Variants in ATP10B observed in about 807,000 individuals in gnomAD.
ATP10B encodes the protein ATPase phospholipid transporting 10B (putative).
Under a neutral mutation model 141.2 loss-of-function variants are expected in ATP10B, and 122 were observed. That is an observed-to-expected ratio of 0.86 (90% CI 0.75 to 1.00). ATP10B has a LOEUF of 1.00. ATP10B is among the 50% of genes least tolerant of loss of function. The pLI is 0.00. For synonymous variants in ATP10B, 685 were observed against 692.0 expected (o/e 0.99, Z 0.16); for missense variants, 1,876 against 1,825.3 (o/e 1.03, Z -0.51).
chr5:160,599,440 G>C (rs761437415), intron 21 of ATP10B, among the ~76,000 whole-genome samples: 4 of 152,172 alleles, frequency 2.6e-5, no homozygotes, highest in Admixed American at 2.0e-4. Context: ...TCACTTACTA[G>C]CTGTGTGACC....
chr5:160,895,261 A>G, the ATP10B span, among the ~76,000 whole-genome samples: 59 of 152,288 alleles, frequency 3.9e-4, no homozygotes, highest in Middle Eastern at 6.8e-3. Context: ...AGACTGACAA[A>G]TTGGATAAAG....
In ATP10B at chr5:160,714,767, T is replaced by C. The variant is rs181121014; in HGVS notation, c.-205+2142A>G. Among the ~76,000 whole-genome samples the C allele has an allele frequency of 4.5e-3, 610 of 134,122 alleles. 7 individuals carry two copies. The highest frequency in any genetic ancestry group is 0.016 in the African/African-American group (557 of 34,368). The allele number at this position is 134,122 out of a possible 152,430, so 88.0% of individuals were successfully genotyped here. On this transcript the variant is annotated intron_variant, in intron 3 of 25. Transcript: ENST00000327245. ...GGTTTTATCTACTTTTGGTCTTTGA[T>C]GATGGTGATGTACAGATGGGTTTTC...
the ATP10B span, among the ~76,000 whole-genome samples, chr5:160,864,466 C>G: frequency 6.6e-6 from 1 of 151,996 alleles, no homozygotes; most frequent in African/African-American, 2.4e-5. Context: ...AAACCCACAG[C>G]CAGCATCATA....
rs550749851 is a variant in ATP10B at position 160,702,862 on chromosome 5, C to A, written c.-204-13919G>T. Among the ~76,000 whole-genome samples, 4 of 152,312 alleles carry A rather than the reference C, an allele frequency of 2.6e-5. No individual in the cohort carries two copies. The East Asian group carries it at 7.7e-4, about 29-fold the overall frequency. On this transcript the variant is annotated intron_variant, in intron 3 of 25. Transcript: ENST00000327245. Reference sequence around the variant, plus strand: ...GGTACACTTCTAAGAATACAATTCACCTGCTTTCAATATTATTTATCTTTT... The same window carrying A: ...GGTACACTTCTAAGAATACAATTCAACTGCTTTCAATATTATTTATCTTTT...
chr5:160,680,666 A>T (rs969708569), intron 6 of ATP10B, among the ~76,000 whole-genome samples: 3 of 152,208 alleles, frequency 2.0e-5, no homozygotes, highest in South Asian at 2.1e-4. Flanking sequence ...TCTTATTTTT[A>T]AAAAAACTTT....
intron 1 of ATP10B, among the ~76,000 whole-genome samples, chr5:160,820,244 G>A (rs1257604374): frequency 6.6e-6 from 1 of 151,724 alleles, no homozygotes; most frequent in Non-Finnish European, 1.5e-5. Context: ...GGTACTAAGA[G>A]CAACTATATA....
intron 24 of ATP10B, among the ~76,000 whole-genome samples, chr5:160,585,097 T>C (rs1755802373): frequency 6.6e-6 from 1 of 152,216 alleles, no homozygotes; most frequent in African/African-American, 2.4e-5. Flanking sequence ...TCCATCATTC[T>C]TTTTTCCTCC....
intron 1 of ATP10B, among the ~76,000 whole-genome samples, chr5:160,840,685 T>G (rs1261617931): frequency 6.6e-6 from 1 of 152,106 alleles, no homozygotes; most frequent in Non-Finnish European, 1.5e-5. Flanking sequence ...GATAAAAGAT[T>G]GATAAACTGA....
At chr5:160,895,751 C>T in the ATP10B span, among the ~76,000 whole-genome samples, 71,679 of 151,982 alleles carry the variant, frequency 0.47, 18,034 homozygotes, top group Non-Finnish European at 0.55. Flanking sequence ...ATACATTCTT[C>T]TCAGCACCAC....
At chr5:160,707,878 G>A (rs533455625) in intron 3 of ATP10B, among the ~76,000 whole-genome samples, 2 of 152,158 alleles carry the variant, frequency 1.3e-5, no homozygotes, top group Admixed American at 6.5e-5. Context: ...GCAGCACATC[G>A]ATAAATCAAT....
intron 2 of ATP10B, among the ~76,000 whole-genome samples, chr5:160,765,693 A>G (rs977195921): frequency 1.3e-5 from 2 of 152,182 alleles, no homozygotes; most frequent in African/African-American, 4.8e-5. Flanking sequence ...TAAATGCAAG[A>G]AAAACAAAGA....
chr5:160,685,513 T>G (rs770928976), intron 6 of ATP10B: 22 of 267,092 alleles, frequency 8.2e-5, no homozygotes, highest in Non-Finnish European at 1.5e-4. Flanking sequence ...CAACTCTGGG[T>G]CCTAAAACCT....
At chr5:160,726,235 A>T (rs556855047) in intron 2 of ATP10B, among the ~76,000 whole-genome samples, 25 of 152,284 alleles carry the variant, frequency 1.6e-4, no homozygotes, top group African/African-American at 5.8e-4. Flanking sequence ...CACACCAGGG[A>T]TAAGTGCGGG....
chr5:160,599,620 G>GT (rs1313312662), intron 21 of ATP10B, among the ~76,000 whole-genome samples: 5 of 152,334 alleles, frequency 3.3e-5, no homozygotes, highest in African/African-American at 4.8e-5. Context: ...AGGACACCTG[G>GT]TAGGACGGTG....
At chr5:160,818,376 G>A (rs1773845239) in intron 1 of ATP10B, among the ~76,000 whole-genome samples, 1 of 152,208 alleles carries the variant, frequency 6.6e-6, no homozygotes, top group Admixed American at 6.5e-5. Flanking sequence ...AGACATTGAT[G>A]CAGCCAAAAG....
chr5:160,830,462 C>T (rs1774981554), intron 1 of ATP10B, among the ~76,000 whole-genome samples: 1 of 152,036 alleles, frequency 6.6e-6, no homozygotes, highest in Non-Finnish European at 1.5e-5. Context: ...GTAATAGTGA[C>T]ACCAGATCAA....
At chr5:160,628,647 C>G (rs142182316) in intron 13 of ATP10B, among the ~76,000 whole-genome samples, 1 of 152,084 alleles carries the variant, frequency 6.6e-6, no homozygotes, top group Non-Finnish European at 1.5e-5. Flanking sequence ...TTTGGAGGAG[C>G]CTAACTGGCC....
intron 3 of ATP10B, among the ~76,000 whole-genome samples, chr5:160,704,580 C>T (rs2127764243): frequency 6.6e-6 from 1 of 152,278 alleles, no homozygotes; most frequent in South Asian, 2.1e-4. Context: ...GTTAGAGTCA[C>T]TAGCTGCATT....
chr5:160,596,245 T>A (rs147854330), intron 22 of ATP10B, among the ~76,000 whole-genome samples: 121,799 of 152,138 alleles, frequency 0.8, 48,870 homozygotes, highest in Middle Eastern at 0.87. Flanking sequence ...AATATACTCA[T>A]ATCAATAAAT....
Sources: gnomAD v4.1 joint callset for allele counts (sites outside exome capture counted in the v4.1 genomes callset) on GRCh38, gnomAD v4.1.1 for gene constraint, MANE v1.5 for transcripts, NCBI Gene and HGNC (gene_info 2026-07-23, HGNC 2026-07-21) for gene names.